The following KDR variants were observed in gnomAD, a reference collection of about 807,000 sequenced individuals.
The protein encoded by KDR is vascular endothelial growth factor receptor 2.
KDR carries 43 observed loss-of-function variants against 160.9 expected under a neutral mutation model. The ratio of observed to expected loss-of-function variants is 0.27; its 90% CI spans 0.21 to 0.34. KDR has a LOEUF of 0.34. Ranked by LOEUF, KDR falls within the 10% of genes least tolerant of loss-of-function variation. The pLI is 1.00. For missense variants in KDR, 1,469 were observed against 1,666.4 expected (o/e 0.88, Z 2.06); for synonymous variants, 617 against 600.1 (o/e 1.03, Z -0.41).
At chr4:55,106,897 A>G in intron 10 of KDR, 87 bp from the exon 11 acceptor site, 1 of 1,212,376 alleles carries the variant, frequency 8.2e-7, no homozygotes, top group Non-Finnish European at 1.2e-6. Context: ...GACTTTGGTT[A>G]TTCTGTTCTT....
chr4:55,100,391 G>A (rs1197470755), intron 15 of KDR, among the ~76,000 whole-genome samples: 1 of 152,136 alleles, frequency 6.6e-6, no homozygotes, highest in African/African-American at 2.4e-5. Flanking sequence ...CTATGTGTTT[G>A]TATATTAATA....
At chr4:55,092,423 A>G in intron 22 of KDR, 194 bp downstream of exon 22, 1 of 605,220 alleles carries the variant, frequency 1.7e-6, no homozygotes, top group Non-Finnish European at 3.0e-6. Context: ...CCTTTATTAT[A>G]CAGCTTAATT....
intron 3 of KDR, among the ~76,000 whole-genome samples, chr4:55,116,877 A>G (rs1720749206): frequency 2.0e-5 from 3 of 152,196 alleles, no homozygotes; most frequent in African/African-American, 7.2e-5. Flanking sequence ...CATAGAGAAT[A>G]CTTCAGTGTT....
intron 11 of KDR, 123 bp downstream of exon 11, chr4:55,106,562 CTT>C (rs1720449064): frequency 1.3e-6 from 1 of 765,628 alleles, no homozygotes; most frequent in African/African-American, 1.7e-5. Context: ...TTCAAAGTGA[CTT>C]AATACGCTCT....
chr4:55,116,616 G>A (rs773574206), intron 3 of KDR, among the ~76,000 whole-genome samples: 2 of 152,060 alleles, frequency 1.3e-5, no homozygotes, highest in African/African-American at 2.4e-5. Flanking sequence ...CTTCATAATA[G>A]TCAGTCAAAG....
At chr4:55,082,383 A>G (rs1180845557) in intron 28 of KDR, among the ~76,000 whole-genome samples, 153 bp downstream of exon 28, 1 of 152,248 alleles carries the variant, frequency 6.6e-6, no homozygotes, top group Non-Finnish European at 1.5e-5. Context: ...TGAAAAAAAC[A>G]AAGTTCCATC....
At chr4:55,122,119 C>T (rs1720896408) in intron 1 of KDR, among the ~76,000 whole-genome samples, 1 of 152,172 alleles carries the variant, frequency 6.6e-6, no homozygotes, top group South Asian at 2.1e-4. Context: ...CTCATCCTGA[C>T]ATCAAGCTTC....
intron 13 of KDR, 80 bp downstream of exon 13, chr4:55,104,563 T>A (rs1444323059): frequency 1.8e-6 from 2 of 1,094,734 alleles, no homozygotes; most frequent in Non-Finnish European, 1.4e-6. Context: ...AGGACAGTAA[T>A]CTTTGCATAG....
chr4:55,106,145 AT>A (rs879318934), intron 11 of KDR, among the ~76,000 whole-genome samples: 34 of 147,440 alleles, frequency 2.3e-4, no homozygotes, highest in East Asian at 3.9e-4. Flanking sequence ...TGGATTTTGG[AT>A]TTTTTTTTTT....
At chr4:55,084,033 C>G in intron 27 of KDR, among the ~76,000 whole-genome samples, 1 of 152,208 alleles carries the variant, frequency 6.6e-6, no homozygotes, top group East Asian at 1.9e-4. Flanking sequence ...GTGCCAGAAG[C>G]TGTCTAAGCA....
In KDR at chr4:55,110,775, G is replaced by C. The variant is rs202212689; in HGVS notation, c.977-7C>G. On this transcript the variant is annotated splice_polypyrimidine_tract_variant and splice_region_variant and intron_variant, in intron 7 of 29. Transcript: ENST00000263923. Reference sequence around the variant, plus strand: ...AAAGCAACAAAAGGTTTTTCTGGAAGAAAATAAAAAAAAAAAAAGGTCAAC... The same window carrying C: ...AAAGCAACAAAAGGTTTTTCTGGAACAAAATAAAAAAAAAAAAAGGTCAAC... 7.2e-7 allele frequency: 1 copy of C among 1,386,972 alleles called. No homozygotes were observed. Among genetic ancestry groups the C allele is most frequent in the Non-Finnish European group, 9.5e-7 (1 of 1,054,738 alleles). 85.9% of individuals were successfully genotyped at this position (1,386,972 alleles called of 1,614,324 possible).
Position 55,101,979 on chromosome 4 carries a change from C to T in KDR, c.2184G>A (p.Arg728=), listed in dbSNP as rs1227980262. The T allele has an allele frequency of 6.2e-7, 1 of 1,613,636 alleles. No individual in the cohort carries two copies. ...GNRNLTIRRV[R]KEDEGLYTCQ... is the part of the protein sequence containing the mutation. Reference sequence around the variant, plus strand: ...AGGTGTAGAGGCCTTCGTCCTCCTTCCTCACTCTGCGGATAGTGAGGTTCC... The same window carrying T: ...AGGTGTAGAGGCCTTCGTCCTCCTTTCTCACTCTGCGGATAGTGAGGTTCC... The change falls in exon 15 of 30, where the codon AGG becomes AGA. Residue 728 remains arginine (R), a synonymous_variant. Transcript: ENST00000263923.
In KDR at chr4:55,114,261, A is replaced by G. The variant is rs1720676143; in HGVS notation, c.663T>C (p.Tyr221=). 6.2e-7 allele frequency: 1 copy of G among 1,613,764 alleles called. No homozygotes were observed. The highest frequency in any genetic ancestry group is 8.5e-7 in the Non-Finnish European group (1 of 1,179,820). Residue 221 remains tyrosine, a synonymous_variant, in exon 6 of 30, where the codon TAT becomes TAC. Coordinates refer to ENST00000263923, the MANE Select transcript of KDR (RefSeq NM_002253.4). ...SIMYIVVVVG[Y]RIYDVVLSPS... ...GACTCAGAACCACATCATAAATCCT[A>G]TACCCTAGAGCAAGTAAATTGAAAA...
intron 18 of KDR, 75 bp downstream of exon 18, chr4:55,097,587 C>A: frequency 1.0e-6 from 1 of 981,486 alleles, no homozygotes; most frequent in South Asian, 1.3e-5. Context: ...CACAAAGCTA[C>A]TGATACAAGC....
At chr4:55,114,048 C>T in intron 6 of KDR, 78 bp downstream of exon 6, 3 of 1,496,940 alleles carry the variant, frequency 2.0e-6, no homozygotes, top group African/African-American at 1.4e-5. Flanking sequence ...GCCAAAGAGG[C>T]CCCTATCTCT....
Position 55,106,816 on chromosome 4 carries a change from A to C in KDR, c.1413-6T>G. ...TTGTCACTGAGACAGCTTGGCTATA[A>C]GAAAGAGATAACAGCGCATATTATG... On this transcript the variant is annotated splice_region_variant and splice_polypyrimidine_tract_variant and intron_variant, in intron 10 of 29. Transcript: ENST00000263923. 1.2e-6 allele frequency: 2 copies of C among 1,604,780 alleles called. No homozygotes were observed. The highest frequency in any genetic ancestry group is 1.7e-6 in the Non-Finnish European group (2 of 1,171,522).
chr4:55,119,220 C>CA (rs1720807933), intron 2 of KDR, among the ~76,000 whole-genome samples: 1 of 147,828 alleles, frequency 6.8e-6, no homozygotes, highest in Non-Finnish European at 1.5e-5. Flanking sequence ...AAAAAAAAAA[C>CA]AAAGTCTTCT....
chr4:55,093,864 G>C (rs529335196), intron 21 of KDR, among the ~76,000 whole-genome samples: 7 of 152,258 alleles, frequency 4.6e-5, no homozygotes, highest in African/African-American at 1.7e-4. Context: ...TGAAGTCCTG[G>C]AAGTTAGGCT....
chr4:55,089,518 T>G (rs750889706), intron 24 of KDR, 45 bp from the exon 25 acceptor site: 3 of 1,512,540 alleles, frequency 2.0e-6, no homozygotes, highest in Non-Finnish European at 2.8e-6. Context: ...TGATTTTCTC[T>G]TATAGAAAAC....
Sources: allele counts gnomAD v4.1 joint callset (sites outside exome capture counted in the v4.1 genomes callset), GRCh38; gene constraint gnomAD v4.1.1; transcripts MANE v1.5; gene names NCBI Gene and HGNC (gene_info 2026-07-23, HGNC 2026-07-21).